OPA1: variants seen among roughly 807,000 people sequenced by gnomAD.
OPA1 encodes the protein dynamin-like GTPase OPA1, mitochondrial.
OPA1 carries 59 observed loss-of-function variants against 152.9 expected under a neutral mutation model. That is an observed-to-expected ratio of 0.39 (90% CI 0.31 to 0.48). The LOEUF is 0.48. Among genes scored for constraint, OPA1 ranks in the 20% least tolerant of loss-of-function variants. The probability of loss-of-function intolerance (pLI) is 0.96; values close to 1 mark genes in which losing one functional copy is unlikely to be tolerated. For missense variants in OPA1, 1,008 were observed against 1,216.8 expected (o/e 0.83, Z 2.55); for synonymous variants, 400 against 389.9 (o/e 1.03, Z -0.31).
Position 193,657,251 on chromosome 3 carries a change from G to A in OPA1, c.2331+19G>A, listed in dbSNP as rs754283929. 1 of 1,612,502 alleles carries A rather than the reference G, an allele frequency of 6.2e-7. No homozygotes were observed. The highest frequency in any genetic ancestry group is 8.5e-7 in the Non-Finnish European group (1 of 1,178,830). On this transcript the variant is annotated intron_variant, in intron 23 of 30. Transcript: ENST00000361510. ...CAGCTTGGTATGTTGTTTGTATACT[G>A]GGGTATCAGCCTCATATTTTTATAT...
intron 21 of OPA1, among the ~76,000 whole-genome samples, chr3:193,651,831 G>C (rs890402308): frequency 6.6e-6 from 1 of 151,808 alleles, no homozygotes. Flanking sequence ...TATAAAAGAG[G>C]AACTATGGGG....
rs368514063 is a variant in OPA1, at chr3:193,596,301, TTTTCTTTTCCTTTCC to T, written c.32+2897_32+2911del. On this transcript the variant is annotated intron_variant, in intron 1 of 30. Transcript: ENST00000361510. ...TTAATATTGGCCATCGCAACTTTTC[TTTTCTTTTCCTTTCC>T]TTTCCTTTCCTTTCCTTTCCTTTTC... Among the ~76,000 whole-genome samples the T allele has an allele frequency of 3.0e-3, 237 of 77,986 alleles. 1 individual carries two copies. Among genetic ancestry groups the T allele is most frequent in the East Asian group, 0.013 (27 of 2,114 alleles). 51.2% of individuals were successfully genotyped at this position (77,986 alleles called of 152,430 possible).
intron 1 of OPA1, among the ~76,000 whole-genome samples, chr3:193,595,181 T>C (rs992024457): frequency 2.6e-5 from 4 of 152,212 alleles, no homozygotes; most frequent in African/African-American, 7.2e-5. Flanking sequence ...AGTTTTTCTT[T>C]TGCTATAGTT....
At chr3:193,665,906 G>A (rs1716423084) in intron 27 of OPA1, among the ~76,000 whole-genome samples, 1 of 152,070 alleles carries the variant, frequency 6.6e-6, no homozygotes, top group Non-Finnish European at 1.5e-5. Flanking sequence ...AATGGCTTGA[G>A]TACAGACTCA....
intron 1 of OPA1, among the ~76,000 whole-genome samples, chr3:193,612,450 T>G (rs1728403220): frequency 1.3e-5 from 2 of 152,124 alleles, no homozygotes; most frequent in African/African-American, 4.8e-5. Context: ...TTTCATTTGG[T>G]TTTTGCAAAG....
chr3:193,606,528 G>C (rs1577131355), intron 1 of OPA1, among the ~76,000 whole-genome samples: 2 of 148,102 alleles, frequency 1.4e-5, no homozygotes, highest in South Asian at 4.3e-4. Context: ...TTGGTTTTTT[G>C]TCCTTGTGAT....
chr3:193,631,017 T>C (rs1379950536), intron 7 of OPA1, among the ~76,000 whole-genome samples: 1 of 152,212 alleles, frequency 6.6e-6, no homozygotes, highest in Non-Finnish European at 1.5e-5. Context: ...TTAGCAGATC[T>C]TTCCTTGGAA....
At chr3:193,672,387 G>GT (rs893650596) in intron 29 of OPA1, among the ~76,000 whole-genome samples, 8 of 152,230 alleles carry the variant, frequency 5.3e-5, no homozygotes, top group Admixed American at 1.3e-4. Context: ...TTATTTTATT[G>GT]TTTTTTCTGT....
intron 3 of OPA1, among the ~76,000 whole-genome samples, chr3:193,616,378 A>C (rs1228625368): frequency 6.6e-6 from 1 of 152,018 alleles, no homozygotes; most frequent in African/African-American, 2.4e-5. Flanking sequence ...TTCCCTTTTT[A>C]AAAATTATGT....
chr3:193,631,218 A>G (rs1461498680), intron 7 of OPA1, among the ~76,000 whole-genome samples: 1 of 152,206 alleles, frequency 6.6e-6, no homozygotes, highest in East Asian at 1.9e-4. Flanking sequence ...TGACTTTTCA[A>G]AACACATTTC....
chr3:193,668,011 G>A (rs977290517), intron 29 of OPA1, among the ~76,000 whole-genome samples: 3 of 152,196 alleles, frequency 2.0e-5, no homozygotes, highest in Non-Finnish European at 2.9e-5. Context: ...TGGTTTCTCA[G>A]TGGAAAGAGC....
chr3:193,617,316 A>C (rs371918243), intron 4 of OPA1, 31 bp downstream of exon 4: 3 of 1,340,672 alleles, frequency 2.2e-6, no homozygotes, highest in Non-Finnish European at 1.1e-6. Flanking sequence ...TCTAATTTAA[A>C]AATTTAAGAA....
chr3:193,617,753 T>A, intron 4 of OPA1, 31 bp from the exon 5 acceptor site: 1 of 1,554,590 alleles, frequency 6.4e-7, no homozygotes, highest in East Asian at 2.2e-5. Flanking sequence ...AATTTTACAT[T>A]TCTATTTCCC....
chr3:193,657,297 T>C, intron 23 of OPA1, 65 bp downstream of exon 23: 1 of 1,482,786 alleles, frequency 6.7e-7, no homozygotes, highest in Non-Finnish European at 9.4e-7. Flanking sequence ...ATTGATACTT[T>C]TTCATAGGAG....
chr3:193,676,706 T>C (rs2935303), intron 29 of OPA1, among the ~76,000 whole-genome samples: 72,181 of 151,528 alleles, frequency 0.48, 17,476 homozygotes, highest in East Asian at 0.62. Flanking sequence ...TGTGGCCGGG[T>C]GTGGTGGCTC....
intron 29 of OPA1, among the ~76,000 whole-genome samples, chr3:193,677,063 A>G (rs768398067): frequency 7.9e-5 from 12 of 151,376 alleles, no homozygotes; most frequent in Middle Eastern, 3.5e-3. Context: ...TTTCTTTTCT[A>G]TAATATTATA....
intron 1 of OPA1, among the ~76,000 whole-genome samples, chr3:193,612,431 G>C (rs1456645810): frequency 6.6e-6 from 1 of 152,106 alleles, no homozygotes; most frequent in African/African-American, 2.4e-5. Flanking sequence ...TTGGTCTGTT[G>C]CTTAAGCTTT....
At chr3:193,605,549 G>A (rs1727123941) in intron 1 of OPA1, among the ~76,000 whole-genome samples, 2 of 152,256 alleles carry the variant, frequency 1.3e-5, no homozygotes, top group African/African-American at 4.8e-5. Flanking sequence ...TTGGGAAGAG[G>A]CCCATAAACA....
chr3:193,617,145 G>A (rs1450539806), intron 3 of OPA1, 33 bp from the exon 4 acceptor site: 1 of 1,306,000 alleles, frequency 7.7e-7, no homozygotes, highest in South Asian at 1.2e-5. Context: ...TATTTTCTTA[G>A]TTTCATACTC....
Sources: gnomAD v4.1 joint callset for allele counts (sites outside exome capture counted in the v4.1 genomes callset) on GRCh38, gnomAD v4.1.1 for gene constraint, MANE v1.5 for transcripts, NCBI Gene and HGNC (gene_info 2026-07-23, HGNC 2026-07-21) for gene names.